Variants in TARP observed in about 807,000 individuals in gnomAD.
At chr7:38,262,824 A>T in the TARP span, among the ~76,000 whole-genome samples, 1 of 151,076 alleles carries the variant, frequency 6.6e-6, no homozygotes, top group Non-Finnish European at 1.5e-5. Flanking sequence ...ACTCCGAGCT[A>T]ATGTTTGTAT....
the TARP span, among the ~76,000 whole-genome samples, chr7:38,268,693 T>G: frequency 6.6e-6 from 1 of 151,584 alleles, no homozygotes; most frequent in Admixed American, 6.6e-5. Flanking sequence ...TAATACAATG[T>G]TTTTGCCACG....
chr7:38,264,689 C>A, the TARP span, among the ~76,000 whole-genome samples: 5 of 151,598 alleles, frequency 3.3e-5, no homozygotes, highest in East Asian at 5.8e-4. Context: ...TGCCTTGGAA[C>A]TTACTATACT....
chr7:38,264,052 A>T, the TARP span, among the ~76,000 whole-genome samples: 3,417 of 151,974 alleles, frequency 0.022, 93 homozygotes, highest in Middle Eastern at 0.092. Flanking sequence ...CCCCATAATA[A>T]AATCTTCAAG....
chr7:38,264,357 G>A, the TARP span, among the ~76,000 whole-genome samples: 11 of 151,600 alleles, frequency 7.3e-5, no homozygotes, highest in African/African-American at 2.7e-4. Flanking sequence ...CTTGGAGGCC[G>A]AGGTGGATGG....
At chr7:38,265,626 T>G in the TARP span, 11 of 1,608,844 alleles carry the variant, frequency 6.8e-6, no homozygotes, top group Admixed American at 8.4e-5. Context: ...TTTCAGCAAT[T>G]GAAGGAAGAA....
At chr7:38,271,208 G>A in the TARP span, among the ~76,000 whole-genome samples, 1 of 151,374 alleles carries the variant, frequency 6.6e-6, no homozygotes, top group African/African-American at 2.4e-5. Context: ...CATTTAGCAT[G>A]TTTCTCCTTT....
At chr7:38,268,516 C>T in the TARP span, among the ~76,000 whole-genome samples, 1 of 151,176 alleles carries the variant, frequency 6.6e-6, no homozygotes, top group Non-Finnish European at 1.5e-5. Flanking sequence ...GATATCTTGA[C>T]CATTTTTGGT....
At chr7:38,265,211 G>C in the TARP span, 26 of 693,834 alleles carry the variant, frequency 3.7e-5, no homozygotes, top group East Asian at 6.3e-4. Flanking sequence ...TAGAAAAGTA[G>C]CAGGGCATTT....
At chr7:38,270,140 T>C in the TARP span, among the ~76,000 whole-genome samples, 1 of 151,928 alleles carries the variant, frequency 6.6e-6, no homozygotes, top group Non-Finnish European at 1.5e-5. Flanking sequence ...ATTATGATGA[T>C]GATGATGTCA....
chr7:38,264,317 G>A, the TARP span, among the ~76,000 whole-genome samples: 7 of 151,820 alleles, frequency 4.6e-5, no homozygotes, highest in South Asian at 4.1e-4. Flanking sequence ...TTTAGGCTGG[G>A]CACAGTGGCT....
At chr7:38,267,466 A>G in the TARP span, among the ~76,000 whole-genome samples, 6 of 151,694 alleles carry the variant, frequency 4.0e-5, no homozygotes, top group Non-Finnish European at 8.8e-5. Flanking sequence ...TTCTAAGAAA[A>G]TAAGAATTAA....
the TARP span, among the ~76,000 whole-genome samples, chr7:38,267,156 G>A: frequency 2.0e-5 from 3 of 151,558 alleles, no homozygotes; most frequent in South Asian, 2.1e-4. Flanking sequence ...CCTATATGCT[G>A]CTTAACTGTT....
At chr7:38,269,771 C>A in the TARP span, among the ~76,000 whole-genome samples, 1 of 151,884 alleles carries the variant, frequency 6.6e-6, no homozygotes. Flanking sequence ...GAAGTGAGAC[C>A]AAAATGAAAC....
the TARP span, among the ~76,000 whole-genome samples, chr7:38,261,834 C>T: frequency 0.022 from 3,094 of 140,002 alleles, 84 homozygotes; most frequent in Middle Eastern, 0.1. Flanking sequence ...ATACTGCCAC[C>T]GCACTCCAGC....
At chr7:38,262,248 T>C in the TARP span, 3,069 of 1,544,298 alleles carry the variant, frequency 2.0e-3, 6 homozygotes, top group Non-Finnish European at 2.4e-3. Context: ...TACTAGTCAA[T>C]TGTTCGTGTG....
the TARP span, among the ~76,000 whole-genome samples, chr7:38,269,755 A>T: frequency 6.6e-6 from 1 of 152,168 alleles, no homozygotes; most frequent in South Asian, 2.1e-4. Context: ...CATCGCTACC[A>T]GCACTGAAGT....
the TARP span, among the ~76,000 whole-genome samples, chr7:38,269,960 G>A: frequency 6.6e-6 from 1 of 151,786 alleles, no homozygotes; most frequent in African/African-American, 2.4e-5. Context: ...AGCATTAGCT[G>A]AGCATGATGT....
the TARP span, chr7:38,269,573 T>G: frequency 4.5e-6 from 3 of 660,684 alleles, no homozygotes; most frequent in South Asian, 3.3e-5. Flanking sequence ...AAAACTCTAA[T>G]TCAGTTTCCC....
chr7:38,260,778 TG>T, the TARP span, among the ~76,000 whole-genome samples: 1 of 151,542 alleles, frequency 6.6e-6, no homozygotes, highest in Non-Finnish European at 1.5e-5. Flanking sequence ...GTCCTTGGTG[TG>T]GAAAAGGATC....
Sources: allele counts gnomAD v4.1 joint callset (sites outside exome capture counted in the v4.1 genomes callset), GRCh38; gene constraint gnomAD v4.1.1; transcripts MANE v1.5.